The following VAV2 variants were observed in gnomAD, a reference collection of about 807,000 sequenced individuals.
The protein encoded by VAV2 is guanine nucleotide exchange factor VAV2.
Under a neutral mutation model 132.5 loss-of-function variants are expected in VAV2, and 67 were observed. The ratio of observed to expected loss-of-function variants is 0.51; its 90% CI spans 0.42 to 0.62. The LOEUF (loss-of-function observed/expected upper bound fraction) is 0.62. VAV2 is among the 20% of genes least tolerant of loss of function. The pLI is 0.00. For synonymous variants in VAV2, 492 were observed against 443.5 expected, an observed-to-expected ratio of 1.11 and a Z score of -1.37; for missense variants, 938 against 1,153.6, an observed-to-expected ratio of 0.81 and a Z score of 2.71.
At chr9:133,827,777 GCACGGGCATCACCAC>G in intron 4 of VAV2, among the ~76,000 whole-genome samples, 1 of 28,434 alleles carries the variant, frequency 3.5e-5, no homozygotes, top group Non-Finnish European at 2.1e-4. Context: ...TGACCACTGA[GCACGGGCATCACCAC>G]CTACCGCTGC....
intron 1 of VAV2, among the ~76,000 whole-genome samples, chr9:133,965,494 CAAA>C (rs148320930): frequency 8.1e-6 from 1 of 122,784 alleles, no homozygotes; most frequent in Non-Finnish European, 1.7e-5. Context: ...GCGAGACTGT[CAAA>C]AAAAAAAAAA....
chr9:133,854,396 T>C (rs573005318), intron 3 of VAV2, among the ~76,000 whole-genome samples: 1 of 152,332 alleles, frequency 6.6e-6, no homozygotes, highest in Non-Finnish European at 1.5e-5. Flanking sequence ...TGCCTAAACT[T>C]GGAGGCCCCA....
At chr9:133,944,818 G>A (rs1373720607) in intron 1 of VAV2, among the ~76,000 whole-genome samples, 1 of 152,254 alleles carries the variant, frequency 6.6e-6, no homozygotes, top group African/African-American at 2.4e-5. Flanking sequence ...CAGGAGGAGC[G>A]TGGGGCCGGG....
chr9:133,765,971 A>G (rs568401733), intron 29 of VAV2, among the ~76,000 whole-genome samples: 1 of 152,236 alleles, frequency 6.6e-6, no homozygotes, highest in Non-Finnish European at 1.5e-5. Context: ...ACATTTTACA[A>G]TGTGAATATT....
chr9:133,808,385 A>G (rs1406556193), intron 7 of VAV2, among the ~76,000 whole-genome samples: 1 of 152,230 alleles, frequency 6.6e-6, no homozygotes, highest in African/African-American at 2.4e-5. Context: ...TTTTCTCCCC[A>G]GTAAACACTG....
chr9:133,943,212 G>T (rs1344247693), intron 1 of VAV2, among the ~76,000 whole-genome samples: 1 of 152,178 alleles, frequency 6.6e-6, no homozygotes, highest in African/African-American at 2.4e-5. Flanking sequence ...CAAGGTCTGT[G>T]GTCGCTCTGG....
At chr9:133,793,748 C>T (rs918763756) in intron 12 of VAV2, among the ~76,000 whole-genome samples, 1 of 152,010 alleles carries the variant, frequency 6.6e-6, no homozygotes, top group Non-Finnish European at 1.5e-5. Context: ...GACCTAAAAC[C>T]GCAATTCCCT....
chr9:133,929,514 G>T (rs1316218867), intron 2 of VAV2, among the ~76,000 whole-genome samples: 2 of 152,084 alleles, frequency 1.3e-5, no homozygotes, highest in African/African-American at 4.8e-5. Context: ...GGTTCCACGG[G>T]GGTAGGGGGA....
intron 3 of VAV2, among the ~76,000 whole-genome samples, chr9:133,841,970 C>G (rs940684017): frequency 2.6e-5 from 4 of 152,174 alleles, no homozygotes; most frequent in Non-Finnish European, 5.9e-5. Flanking sequence ...CCCCTCCCCA[C>G]AGATGGTCCA....
Position 133,834,678 on chromosome 9 carries a change from C to T in VAV2, c.381-338G>A, listed in dbSNP as rs80026883. On this transcript the variant is annotated intron_variant, in intron 3 of 29. Transcript: ENST00000371850. The surrounding 1 kb of genome is among the most constrained non-coding windows in gnomAD (Gnocchi z 5.9). ...TGGGCGACCTGCCTTCCCCTTTACCCACCCTCCCACTTCCAGGGGGTTCAC... is the reference window on the plus strand; with the variant it reads ...TGGGCGACCTGCCTTCCCCTTTACCTACCCTCCCACTTCCAGGGGGTTCAC... 0.05 allele frequency among the ~76,000 whole-genome samples: 7,609 copies of T among 152,294 alleles called. 623 individuals are homozygous for T. Among genetic ancestry groups the T allele is most frequent in the African/African-American group, 0.17 (7,231 of 41,536 alleles).
At chr9:133,837,257 T>G (rs139161880) in intron 3 of VAV2, among the ~76,000 whole-genome samples, 279 of 152,322 alleles carry the variant, frequency 1.8e-3, no homozygotes, top group African/African-American at 6.1e-3. Flanking sequence ...TCATTCTCAC[T>G]CAGGGCACTT....
intron 3 of VAV2, among the ~76,000 whole-genome samples, chr9:133,855,777 T>C (rs886176257): frequency 5.3e-5 from 8 of 152,216 alleles, no homozygotes; most frequent in Non-Finnish European, 1.0e-4. Context: ...GAGAATTCAC[T>C]TCAAATTGAA....
At chr9:133,947,632 G>A (rs1436729722) in intron 1 of VAV2, among the ~76,000 whole-genome samples, 2 of 151,532 alleles carry the variant, frequency 1.3e-5, no homozygotes, top group East Asian at 4.0e-4. Flanking sequence ...TCGGGAGGTG[G>A]AGGTTGCAGT....
rs748829750 is a variant in VAV2 at position 133,775,022 on chromosome 9, G to A, written c.2048C>T (p.Thr683Met). 12 of 1,612,400 alleles carry A rather than the reference G, an allele frequency of 7.4e-6. No homozygotes were observed. The highest frequency in any genetic ancestry group is 1.0e-5 in the Non-Finnish European group (12 of 1,179,376). Residue 683 changes from threonine (T) to methionine (M), a missense_variant, in exon 25 of 30, where the codon ACG becomes ATG. Transcript: ENST00000371850. Reference protein sequence around the residue: ...WFAGNMERQQTDNLLKSHASG... With the variant: ...WFAGNMERQQMDNLLKSHASG... ...GGCGTGGGACTTGAGCAGGTTGTCC[G>A]TCTGCTGCCTCTCCATGTTACCTGC... is the stretch of plus-strand genomic sequence containing the variant.
intron 1 of VAV2, among the ~76,000 whole-genome samples, chr9:133,973,600 C>T (rs1000065209): frequency 1.3e-5 from 2 of 151,892 alleles, no homozygotes; most frequent in South Asian, 2.1e-4. Flanking sequence ...AACCCACGCA[C>T]GCCCTACAGA....
At chr9:133,880,474 T>C (rs1169289135) in intron 2 of VAV2, among the ~76,000 whole-genome samples, 2 of 152,212 alleles carry the variant, frequency 1.3e-5, no homozygotes, top group African/African-American at 4.8e-5. Context: ...AAAAGATGCC[T>C]TTTACACGAA....
intron 1 of VAV2, among the ~76,000 whole-genome samples, chr9:133,942,986 T>C (rs1841225575): frequency 6.6e-6 from 1 of 152,194 alleles, no homozygotes; most frequent in African/African-American, 2.4e-5. Context: ...TCAGGGAGCA[T>C]TTCCTGTGCT....
At chr9:133,797,899 G>A (rs1588189988) in intron 9 of VAV2, 90 bp from the exon 10 acceptor site, 1 of 1,242,368 alleles carries the variant, frequency 8.0e-7, no homozygotes, top group East Asian at 2.6e-5. Flanking sequence ...CCAGCAGGCT[G>A]TAGGTGCGCA....
At chr9:133,774,386 C>T (rs1293312891) in intron 25 of VAV2, among the ~76,000 whole-genome samples, 1 of 152,222 alleles carries the variant, frequency 6.6e-6, no homozygotes, top group East Asian at 1.9e-4. Flanking sequence ...CAGCTCAGTG[C>T]TTGGTGGGCT....
Sources: allele counts gnomAD v4.1 joint callset (sites outside exome capture counted in the v4.1 genomes callset), GRCh38; gene constraint gnomAD v4.1.1; non-coding constraint Gnocchi (gnomAD v3.1); transcripts MANE v1.5; gene names NCBI Gene and HGNC (gene_info 2026-07-23, HGNC 2026-07-21).